Variants in PPIG observed in about 807,000 individuals in gnomAD.
PPIG encodes peptidyl-prolyl cis-trans isomerase G.
A neutral mutation model predicts 87.9 loss-of-function variants in PPIG; 26 were observed. The observed-to-expected ratio is 0.30, with a 90% confidence interval of 0.22 to 0.41. The LOEUF is 0.41. PPIG is among the 10% of genes least tolerant of loss of function. The probability of loss-of-function intolerance (pLI) is 1.00; values close to 1 mark genes in which losing one functional copy is unlikely to be tolerated. For synonymous variants in PPIG, 308 were observed against 276.5 expected (o/e 1.11, Z -1.13); for missense variants, 722 against 879.4 (o/e 0.82, Z 2.26).
At chr2:169,627,081 ATC>A in intron 9 of PPIG, among the ~76,000 whole-genome samples, 1 of 151,702 alleles carries the variant, frequency 6.6e-6, no homozygotes, top group South Asian at 2.1e-4. Context: ...ACAGTTATAA[ATC>A]TCTTTCTGGC....
intron 1 of PPIG, among the ~76,000 whole-genome samples, chr2:169,601,855 T>A (rs1000667985): frequency 2.0e-5 from 3 of 152,078 alleles, no homozygotes; most frequent in African/African-American, 7.2e-5. Context: ...CTAGTCTACA[T>A]TGAGATATGC....
In PPIG at chr2:169,636,118, A is replaced by G. The variant is rs1215653006; in HGVS notation, c.1044A>G (p.Arg348=). 5.6e-6 allele frequency: 9 copies of G among 1,604,730 alleles called. No homozygotes were observed. The highest frequency in any genetic ancestry group is 6.8e-6 in the Non-Finnish European group (8 of 1,177,010). The change falls in exon 13 of 14, where the codon AGA becomes AGG. Residue 348 remains arginine (R), a synonymous_variant. Coordinates refer to ENST00000260970, the MANE Select transcript of PPIG (RefSeq NM_004792.3). ...GTTATCGAACTCCTTCCAGATCCAG[A>G]TCAAGGGATCGTTTCAGACGTAGTG... ...PRRYRTPSRS[R]SRDRFRRSET...
chr2:169,619,686 C>T (rs1685692062), intron 9 of PPIG, among the ~76,000 whole-genome samples: 2 of 151,920 alleles, frequency 1.3e-5, no homozygotes. Flanking sequence ...AATGGCTGTA[C>T]CGATTTACAT....
intron 9 of PPIG, among the ~76,000 whole-genome samples, chr2:169,615,332 C>T (rs1258716827): frequency 6.6e-6 from 1 of 152,174 alleles, no homozygotes; most frequent in Non-Finnish European, 1.5e-5. Flanking sequence ...CAGGTGTGAG[C>T]CACTGCACCT....
intron 1 of PPIG, among the ~76,000 whole-genome samples, chr2:169,586,718 A>C (rs1483286189): frequency 6.6e-6 from 1 of 152,184 alleles, no homozygotes; most frequent in African/African-American, 2.4e-5. Flanking sequence ...ATCTGGGGTT[A>C]ATTCTTTAAA....
intron 1 of PPIG, among the ~76,000 whole-genome samples, chr2:169,600,080 T>A (rs995842638): frequency 7.4e-5 from 4 of 54,356 alleles, no homozygotes; most frequent in Admixed American, 3.0e-4. Context: ...AAAAAAAAAT[T>A]TTTTTTTTTT....
rs1686277864 is a variant in PPIG, at chr2:169,640,224, T to G, written c.*2701T>G. 1.3e-5 allele frequency: 2 copies of G among 152,188 alleles called. No individual in the cohort carries two copies. Among genetic ancestry groups the G allele is most frequent in the Admixed American group, 6.5e-5 (1 of 15,272 alleles). 9.4% of individuals were successfully genotyped at this position (152,188 alleles called of 1,614,324 possible). On this transcript the variant is annotated 3_prime_UTR_variant, in exon 14 of 14. Coordinates refer to ENST00000260970, the MANE Select transcript of PPIG (RefSeq NM_004792.3). ...AAGCCCTCAGAAGTTGCAAAGAATT[T>G]ATCTGATAAATCTGCCTTTGCACAA...
chr2:169,615,708 A>G (rs763151554), intron 9 of PPIG, among the ~76,000 whole-genome samples: 1 of 142,862 alleles, frequency 7.0e-6, no homozygotes, highest in Non-Finnish European at 1.6e-5. Context: ...TGTTGGTGGA[A>G]ACAGGTTGAT....
chr2:169,602,516 A>G (rs1221733981), intron 1 of PPIG, among the ~76,000 whole-genome samples: 12 of 152,080 alleles, frequency 7.9e-5, no homozygotes, highest in African/African-American at 2.4e-5. Flanking sequence ...GGGTTTCACT[A>G]TGTTGGTCAG....
chr2:169,602,944 G>T (rs991749186), intron 1 of PPIG, among the ~76,000 whole-genome samples: 2 of 152,144 alleles, frequency 1.3e-5, no homozygotes, highest in Admixed American at 6.6e-5. Context: ...TTTGAAGCTA[G>T]AGCCAAATTA....
At chr2:169,612,135 C>G (rs1392259030) in intron 7 of PPIG, among the ~76,000 whole-genome samples, 1 of 152,092 alleles carries the variant, frequency 6.6e-6, no homozygotes, top group East Asian at 1.9e-4. Context: ...GCCACTGGGC[C>G]TAGTGAGTCA....
At chr2:169,588,170 TTAAAAA>T (rs1003880593) in intron 1 of PPIG, among the ~76,000 whole-genome samples, 52 of 151,962 alleles carry the variant, frequency 3.4e-4, no homozygotes, top group South Asian at 1.5e-3. Context: ...TCTCAAAAAA[TTAAAAA>T]TAAAAATAAA....
At chr2:169,589,508 A>G (rs1198154763) in intron 1 of PPIG, among the ~76,000 whole-genome samples, 1 of 152,220 alleles carries the variant, frequency 6.6e-6, no homozygotes, top group Admixed American at 6.6e-5. Context: ...AAGATCTGCT[A>G]TAGTTTTAAT....
Position 169,637,433 on chromosome 2 carries a change from A to C in PPIG, c.2175A>C (p.Ser725=). The change falls in exon 14 of 14, where the codon TCA becomes TCC. Residue 725 remains serine, a synonymous_variant. Transcript: ENST00000260970. ...CAGTGGAAAAAGAAAACCAAAAATC[A>C]AAAGGTCAAGAAAATGACCATGTAC... is the stretch of plus-strand genomic sequence containing the variant. ...RSSVEKENQK[S]KGQENDHVHE... 2 of 1,612,664 alleles carry C rather than the reference A, an allele frequency of 1.2e-6. No individual in the cohort carries two copies. The highest frequency in any genetic ancestry group is 1.7e-6 in the Non-Finnish European group (2 of 1,179,676).
intron 9 of PPIG, among the ~76,000 whole-genome samples, chr2:169,621,260 A>G (rs1040455173): frequency 1.3e-4 from 20 of 151,956 alleles, no homozygotes; most frequent in Non-Finnish European, 2.8e-4. Context: ...AACATCCGAG[A>G]TGGGCATGGA....
At chr2:169,586,322 C>T (rs1487017511) in intron 1 of PPIG, among the ~76,000 whole-genome samples, 2 of 152,232 alleles carry the variant, frequency 1.3e-5, no homozygotes, top group South Asian at 4.1e-4. Context: ...ATGTAAACTT[C>T]TTAGGTTAGA....
intron 1 of PPIG, among the ~76,000 whole-genome samples, chr2:169,591,809 T>C (rs1266501727): frequency 6.6e-6 from 1 of 151,858 alleles, no homozygotes. Context: ...AAAATTTGTC[T>C]GGATTTTAGC....
At position 169,639,925 on chromosome 2, in the gene PPIG, A is replaced by G. The variant is rs971395948; in HGVS notation, c.*2402A>G. ...TATGTCTAAATTTATGGTTCATGTCAAAGTATTTTTGACTTAATATCCTTT... is the reference window on the plus strand; with the variant it reads ...TATGTCTAAATTTATGGTTCATGTCGAAGTATTTTTGACTTAATATCCTTT... On this transcript the variant is annotated 3_prime_UTR_variant, in exon 14 of 14. Coordinates refer to ENST00000260970, the MANE Select transcript of PPIG (RefSeq NM_004792.3). 2.6e-5 allele frequency: 4 copies of G among 152,138 alleles called. No individual in the cohort carries two copies. Among genetic ancestry groups the G allele is most frequent in the African/African-American group, 9.7e-5 (4 of 41,442 alleles). 9.4% of individuals were successfully genotyped at this position (152,138 alleles called of 1,614,324 possible). A position where few individuals can be genotyped will look rare whatever the true frequency, so the allele number is the denominator to read the frequency against.
At chr2:169,597,187 T>C (rs570843231) in intron 1 of PPIG, among the ~76,000 whole-genome samples, 2 of 152,322 alleles carry the variant, frequency 1.3e-5, no homozygotes, top group African/African-American at 4.8e-5. Context: ...AATATATTCA[T>C]GTGGTATAAA....
Sources: gnomAD v4.1 joint callset for allele counts (sites outside exome capture counted in the v4.1 genomes callset) on GRCh38, gnomAD v4.1.1 for gene constraint, MANE v1.5 for transcripts, NCBI Gene and HGNC (gene_info 2026-07-23, HGNC 2026-07-21) for gene names.